The following TMEM248 variants were observed in gnomAD, a reference collection of about 807,000 sequenced individuals.
The protein encoded by TMEM248 is transmembrane protein 248.
Under a neutral mutation model 30.3 loss-of-function variants are expected in TMEM248, and 9 were observed. The observed-to-expected ratio is 0.30, with a 90% CI of 0.18 to 0.52. TMEM248 has a LOEUF of 0.52. Ranked by LOEUF, TMEM248 falls within the 20% of genes least tolerant of loss-of-function variation. TMEM248 has a pLI of 0.97. For missense variants in TMEM248, 338 were observed against 403.3 expected (o/e 0.84, Z 1.39); for synonymous variants, 184 against 154.4 (o/e 1.19, Z -1.42).
At chr7:66,940,583 A>G (rs1791921514) in intron 1 of TMEM248, among the ~76,000 whole-genome samples, 1 of 152,174 alleles carries the variant, frequency 6.6e-6, no homozygotes, top group Non-Finnish European at 1.5e-5. Flanking sequence ...TGACAAGATG[A>G]TCCTGAAGAA....
At chr7:66,952,994 C>T (rs1013407256) in intron 5 of TMEM248, among the ~76,000 whole-genome samples, 18 of 152,132 alleles carry the variant, frequency 1.2e-4, no homozygotes, top group African/African-American at 2.4e-4. Flanking sequence ...CAGAGGACAG[C>T]GCTAGGAAGG....
chr7:66,935,143 A>T (rs538726750), intron 1 of TMEM248, among the ~76,000 whole-genome samples: 5 of 152,322 alleles, frequency 3.3e-5, no homozygotes, highest in African/African-American at 1.2e-4. Context: ...TTTATGAATC[A>T]TATTAATCTT....
chr7:66,935,008 T>C (rs372444886), intron 1 of TMEM248, among the ~76,000 whole-genome samples: 36 of 151,726 alleles, frequency 2.4e-4, no homozygotes, highest in African/African-American at 8.7e-4. Context: ...TGAGCTGAGA[T>C]TGTGCCCCTG....
chr7:66,947,214 CAAAAAAAA>C (rs565294304), intron 3 of TMEM248, among the ~76,000 whole-genome samples: 1 of 58,818 alleles, frequency 1.7e-5, no homozygotes, highest in African/African-American at 7.1e-5. Flanking sequence ...GACCCTGTCT[CAAAAAAAA>C]AAAAAAAAAA....
chr7:66,931,846 C>T (rs1485551246), intron 1 of TMEM248, among the ~76,000 whole-genome samples: 1 of 139,978 alleles, frequency 7.1e-6, no homozygotes, highest in South Asian at 2.3e-4. Flanking sequence ...GCTCTGTCAC[C>T]CAGGCTGGAG....
At chr7:66,927,438 C>CTT (rs113278701) in intron 1 of TMEM248, among the ~76,000 whole-genome samples, 1 of 142,542 alleles carries the variant, frequency 7.0e-6, no homozygotes, top group Admixed American at 7.1e-5. Context: ...CTTATTTGAT[C>CTT]TTTTTTTTTT....
intron 1 of TMEM248, among the ~76,000 whole-genome samples, chr7:66,927,624 G>T (rs1055794929): frequency 0.013 from 1,589 of 126,238 alleles, 6 homozygotes; most frequent in Admixed American, 0.015. Context: ...TTTGGGTTTT[G>T]TTTTTTTTTT....
At chr7:66,929,950 A>G (rs533901559) in intron 1 of TMEM248, among the ~76,000 whole-genome samples, 60 of 152,240 alleles carry the variant, frequency 3.9e-4, no homozygotes, top group South Asian at 1.0e-3. Context: ...GCTTGAGCCC[A>G]GGAGTTTGAG....
At chr7:66,942,370 AC>A (rs1271247669) in intron 2 of TMEM248, among the ~76,000 whole-genome samples, 1 of 152,196 alleles carries the variant, frequency 6.6e-6, no homozygotes, top group Non-Finnish European at 1.5e-5. Context: ...GTTTTAGAAA[AC>A]TGAACATTTG....
intron 2 of TMEM248, among the ~76,000 whole-genome samples, chr7:66,944,666 T>C (rs1186320696): frequency 3.3e-5 from 5 of 152,242 alleles, no homozygotes; most frequent in Admixed American, 1.3e-4. Context: ...GATCATTTTC[T>C]CTAAGTGTAA....
At chr7:66,926,356 A>C (rs1791523912) in intron 1 of TMEM248, among the ~76,000 whole-genome samples, 1 of 152,262 alleles carries the variant, frequency 6.6e-6, no homozygotes, top group South Asian at 2.1e-4. Context: ...ACCGTGGCTT[A>C]CGCCTGTAAT....
At chr7:66,937,215 G>A (rs1352955293) in intron 1 of TMEM248, among the ~76,000 whole-genome samples, 2 of 152,100 alleles carry the variant, frequency 1.3e-5, no homozygotes, top group Admixed American at 6.5e-5. Flanking sequence ...CCATGTGTTT[G>A]TATAGTTTCC....
At chr7:66,940,209 C>T (rs1791912641) in intron 1 of TMEM248, among the ~76,000 whole-genome samples, 1 of 152,260 alleles carries the variant, frequency 6.6e-6, no homozygotes, top group Non-Finnish European at 1.5e-5. Flanking sequence ...CCGCCTCGGC[C>T]TCCCAAAGTG....
At chr7:66,952,316 C>T (rs937889278) in intron 5 of TMEM248, among the ~76,000 whole-genome samples, 5 of 152,166 alleles carry the variant, frequency 3.3e-5, no homozygotes, top group Admixed American at 2.6e-4. Context: ...TCAGGTGATC[C>T]TCCCACCTCA....
At chr7:66,926,626 A>G (rs1023858039) in intron 1 of TMEM248, among the ~76,000 whole-genome samples, 2 of 146,782 alleles carry the variant, frequency 1.4e-5, no homozygotes, top group African/African-American at 2.5e-5. Flanking sequence ...ACAGAGCAAG[A>G]CTCCATCTGA....
intron 3 of TMEM248, 49 bp downstream of exon 3, chr7:66,945,310 C>A (rs756047877): frequency 3.2e-6 from 5 of 1,573,644 alleles, no homozygotes; most frequent in Admixed American, 1.7e-5. Flanking sequence ...ACCACTGTTA[C>A]AAAAAGAGGA....
At chr7:66,942,254 T>G (rs745426580) in intron 2 of TMEM248, among the ~76,000 whole-genome samples, 5 of 152,236 alleles carry the variant, frequency 3.3e-5, no homozygotes, top group Non-Finnish European at 5.9e-5. Flanking sequence ...TTAGACTATT[T>G]TAGCAGTGAA....
Position 66,951,150 on chromosome 7 carries a change from TTGTGTG to T in TMEM248, c.780+26_780+31del, listed in dbSNP as rs148803801. On this transcript the variant is annotated intron_variant, in intron 5 of 6. Transcript: ENST00000341567. ...TTGTTCCAGATGTAAGTGAGAAAAA[TTGTGTG>T]TGTGTGTGTGCGTGCATGCATATGC... The T allele has an allele frequency of 1.9e-6, 3 of 1,540,728 alleles. No individual in the cohort carries two copies. Among genetic ancestry groups the T allele is most frequent in the Admixed American group, 1.9e-5 (1 of 51,516 alleles).
chr7:66,926,644 A>G (rs1211380960), intron 1 of TMEM248, among the ~76,000 whole-genome samples: 1 of 151,810 alleles, frequency 6.6e-6, no homozygotes, highest in Admixed American at 6.6e-5. Context: ...TGAAACAAAA[A>G]AAAAAAAAAA....
Sources: gnomAD v4.1 joint callset for allele counts (sites outside exome capture counted in the v4.1 genomes callset) on GRCh38, gnomAD v4.1.1 for gene constraint, MANE v1.5 for transcripts, NCBI Gene and HGNC (gene_info 2026-07-23, HGNC 2026-07-21) for gene names.